SLC8A3: variants seen among roughly 807,000 people sequenced by gnomAD.
SLC8A3 encodes solute carrier family 8 member A3, also known as sodium/calcium exchanger 3.
In SLC8A3, 37 loss-of-function variants were observed where a neutral mutation model predicts 65.4. The observed-to-expected ratio is 0.57, with a 90% CI of 0.44 to 0.74. The LOEUF (loss-of-function observed/expected upper bound fraction) is 0.74. Among genes scored for constraint, SLC8A3 ranks in the 30% least tolerant of loss-of-function variants. SLC8A3 has a pLI of 0.00. For missense variants in SLC8A3, 1,112 were observed against 1,172.1 expected, an observed-to-expected ratio of 0.95 and a Z score of 0.75; for synonymous variants, 461 against 444.5, an observed-to-expected ratio of 1.04 and a Z score of -0.47.
chr14:70,189,260 G>T (rs61978215), upstream of SLC8A3, among the ~76,000 whole-genome samples: 6,584 of 152,122 alleles, frequency 0.043, 194 homozygotes, highest in Middle Eastern at 0.12. Context: ...GGAGCCTGGC[G>T]CCCGCGCCTC....
intron 2 of SLC8A3, among the ~76,000 whole-genome samples, chr14:70,104,199 T>A (rs768103143): frequency 1.3e-5 from 2 of 152,122 alleles, no homozygotes; most frequent in African/African-American, 4.8e-5. Context: ...GTTGTTAACA[T>A]CCTTGTCATA....
chr14:70,134,003 T>C (rs1895026894), intron 2 of SLC8A3, among the ~76,000 whole-genome samples: 1 of 152,224 alleles, frequency 6.6e-6, no homozygotes, highest in Admixed American at 6.5e-5. Context: ...GGGAACTTGC[T>C]ACCTTCTAAC....
chr14:70,169,689 A>AAAGGGG (rs1555384559), intron 1 of SLC8A3, among the ~76,000 whole-genome samples: 1 of 74,334 alleles, frequency 1.3e-5, no homozygotes, highest in Admixed American at 1.4e-4. Flanking sequence ...AAAAAAAAAA[A>AAAGGGG]GTGGGGGGGG....
chr14:70,187,676 G>A (rs145692032), intron 1 of SLC8A3, among the ~76,000 whole-genome samples: 1,808 of 151,146 alleles, frequency 0.012, 22 homozygotes, highest in Non-Finnish European at 0.018. Context: ...TCGGGGGAGG[G>A]TTAGTTATAT....
chr14:70,133,470 G>T (rs1263396998), intron 2 of SLC8A3, among the ~76,000 whole-genome samples: 2 of 152,100 alleles, frequency 1.3e-5, no homozygotes, highest in Non-Finnish European at 2.9e-5. Flanking sequence ...TATACTCTTG[G>T]GGGGTAATAT....
Position 70,168,305 on chromosome 14 carries a change from T to C in SLC8A3, c.118A>G (p.Ser40Gly), listed in dbSNP as rs2140378855. The change falls in exon 2 of 7, where the codon AGC becomes GGC. Residue 40 changes from serine to glycine, a missense_variant. Ser to Gly is a moderately conservative substitution (Grantham distance 56, BLOSUM62 0). Transcript: ENST00000356921. ...AEAGGSGDVP[S>G]TGQNNESCSG... The stretch of plus-strand genomic sequence containing the variant: ...CAGGACTCATTGTTCTGCCCTGTGC[T>C]TGGCACGTCCCCTGAGCCACCAGCC... The C allele has an allele frequency of 6.2e-7, 1 of 1,614,170 alleles. No homozygotes were observed. Among genetic ancestry groups the C allele is most frequent in the South Asian group, 1.1e-5 (1 of 91,072 alleles).
intron 2 of SLC8A3, among the ~76,000 whole-genome samples, chr14:70,154,168 C>T (rs189979210): frequency 2.0e-5 from 3 of 152,342 alleles, no homozygotes; most frequent in Non-Finnish European, 4.4e-5. Flanking sequence ...TTCTTAACTT[C>T]CTACATATGA....
At chr14:70,096,150 C>T (rs895753265) in intron 2 of SLC8A3, among the ~76,000 whole-genome samples, 2 of 152,030 alleles carry the variant, frequency 1.3e-5, no homozygotes, top group Admixed American at 6.6e-5. Context: ...CCAAAATGTT[C>T]GGATTACAGG....
intron 1 of SLC8A3, among the ~76,000 whole-genome samples, chr14:70,171,406 C>G (rs1473253988): frequency 6.6e-6 from 1 of 152,198 alleles, no homozygotes; most frequent in Non-Finnish European, 1.5e-5. Flanking sequence ...TTTGTGGCAA[C>G]AGGTTTTTCT....
intron 2 of SLC8A3, among the ~76,000 whole-genome samples, chr14:70,121,610 G>T (rs1894061291): frequency 6.6e-6 from 1 of 152,126 alleles, no homozygotes; most frequent in Non-Finnish European, 1.5e-5. Context: ...GTCAAATAAG[G>T]GTAGGGGGTT....
intron 3 of SLC8A3, among the ~76,000 whole-genome samples, chr14:70,058,215 T>G (rs1156700444): frequency 2.0e-5 from 3 of 152,222 alleles, no homozygotes; most frequent in Non-Finnish European, 4.4e-5. Flanking sequence ...TGTTTCAGAC[T>G]CTCCCATGCA....
chr14:70,177,815 G>A (rs1897998319), intron 1 of SLC8A3, among the ~76,000 whole-genome samples: 1 of 152,156 alleles, frequency 6.6e-6, no homozygotes, highest in Non-Finnish European at 1.5e-5. Flanking sequence ...CAAGATCAAT[G>A]TTTTTCTTTT....
intron 2 of SLC8A3, among the ~76,000 whole-genome samples, chr14:70,141,974 T>C (rs1022038949): frequency 7.3e-5 from 11 of 150,942 alleles, no homozygotes; most frequent in African/African-American, 2.7e-4. Flanking sequence ...GTGACTCCAA[T>C]GGCCTCCCTC....
intron 3 of SLC8A3, among the ~76,000 whole-genome samples, chr14:70,052,802 C>A (rs1008298239): frequency 1.4e-4 from 22 of 152,182 alleles, no homozygotes; most frequent in Non-Finnish European, 2.8e-4. Context: ...TTCTCACATG[C>A]AATTATTTCT....
chr14:70,109,824 G>A (rs1171280727), intron 2 of SLC8A3, among the ~76,000 whole-genome samples: 1 of 152,058 alleles, frequency 6.6e-6, no homozygotes, highest in African/African-American at 2.4e-5. Context: ...CCACCTACTT[G>A]TTAAAGCAGA....
At chr14:70,118,837 C>A (rs1272598385) in intron 2 of SLC8A3, among the ~76,000 whole-genome samples, 1 of 152,170 alleles carries the variant, frequency 6.6e-6, no homozygotes, top group Non-Finnish European at 1.5e-5. Flanking sequence ...TGTACACACA[C>A]ACACAAACAC....
At chr14:70,122,083 G>C (rs184169801) in intron 2 of SLC8A3, among the ~76,000 whole-genome samples, 2 of 152,312 alleles carry the variant, frequency 1.3e-5, no homozygotes, top group African/African-American at 4.8e-5. Context: ...ACCAGGATGA[G>C]ATGACTGGAC....
rs554331722 is a variant in SLC8A3, at chr14:70,160,757, G to T, written c.1784+5882C>A. On this transcript the variant is annotated intron_variant, in intron 2 of 6. Transcript: ENST00000356921. The stretch of plus-strand genomic sequence containing the variant: ...CCAGGAGGGCTCTGGACTTCCTGGA[G>T]AGTTTTGCAGATGTGATAGGGTCTC... 3.9e-5 allele frequency among the ~76,000 whole-genome samples: 6 copies of T among 152,090 alleles called. No individual in the cohort carries two copies. In the South Asian group the frequency reaches 1.2e-3, roughly 32 times the overall value.
chr14:70,051,624 G>T (rs1566733838), intron 4 of SLC8A3, among the ~76,000 whole-genome samples: 1 of 152,040 alleles, frequency 6.6e-6, no homozygotes, highest in Non-Finnish European at 1.5e-5. Context: ...TTTGAAATTG[G>T]CTATTTAGAA....
Sources: allele counts gnomAD v4.1 joint callset (sites outside exome capture counted in the v4.1 genomes callset), GRCh38; gene constraint gnomAD v4.1.1; transcripts MANE v1.5; gene names NCBI Gene and HGNC (gene_info 2026-07-23, HGNC 2026-07-21).